PRAG1: variants seen among roughly 807,000 people sequenced by gnomAD.
PRAG1 encodes the protein PEAK1 related, kinase-activating pseudokinase 1.
In PRAG1, 110 loss-of-function variants were observed where a neutral mutation model predicts 95.6. That is an observed-to-expected ratio of 1.15 (90% CI 0.99 to 1.35). The LOEUF is 1.35. Ranked by LOEUF, PRAG1 falls within the 40% of genes most tolerant of loss-of-function variation. The pLI is 0.00. For missense variants in PRAG1, 2,554 were observed against 1,864.7 expected, an observed-to-expected ratio of 1.37 and a Z score of -6.81; for synonymous variants, 1,052 against 819.4, an observed-to-expected ratio of 1.28 and a Z score of -4.85.
chr8:8,372,149 A>G (rs1193859567), intron 3 of PRAG1, among the ~76,000 whole-genome samples: 1 of 152,186 alleles, frequency 6.6e-6, no homozygotes, highest in Non-Finnish European at 1.5e-5. Flanking sequence ...CATCTGTGAA[A>G]AAGCAAAAGG....
intron 4 of PRAG1, among the ~76,000 whole-genome samples, chr8:8,328,787 C>A (rs1211050969): frequency 2.0e-5 from 3 of 152,320 alleles, no homozygotes; most frequent in Admixed American, 2.0e-4. Flanking sequence ...CACACACACA[C>A]ACACACACAC....
intron 5 of PRAG1, 42 bp from the exon 6 acceptor site, chr8:8,319,344 G>T (rs376066922): frequency 6.8e-7 from 1 of 1,461,878 alleles, no homozygotes; most frequent in Non-Finnish European, 9.1e-7. Context: ...TGGGGCCCAT[G>T]GTTCCGCCCA....
Position 8,376,901 on chromosome 8 carries a change from C to T in PRAG1, c.1508G>A (p.Arg503Gln), listed in dbSNP as rs746691267. 4.3e-6 allele frequency: 7 copies of T among 1,613,208 alleles called. No individual in the cohort carries two copies. In the Admixed American group the frequency reaches 1.0e-4, roughly 23 times the overall value. The change falls in exon 3 of 6, where the codon CGA (arginine) becomes CAA (glutamine). Residue 503 changes from arginine (R) to glutamine (Q), a missense_variant. Physicochemically the swap from Arg to Gln is conservative, Grantham distance 43. Coordinates refer to ENST00000615670, the MANE Select transcript of PRAG1 (RefSeq NM_001080826.3). ...CTCGGAGTTCTGGCTCACAGGCCCT[C>T]GTGGCCACTGCACCCCCACTGCAGA... ...PDSAVGVQWP[R>Q]GPVSQNSEVG... is the part of the protein sequence containing the mutation.
intron 3 of PRAG1, among the ~76,000 whole-genome samples, chr8:8,368,491 CT>C (rs1244315037): frequency 2.0e-5 from 3 of 152,220 alleles, no homozygotes; most frequent in African/African-American, 4.8e-5. Context: ...AAATTTATTA[CT>C]GCAGAAAGAG....
chr8:8,352,501 G>C (rs17604776), intron 3 of PRAG1, among the ~76,000 whole-genome samples: 13,851 of 152,194 alleles, frequency 0.091, 733 homozygotes, highest in Middle Eastern at 0.13. Context: ...GCTGTTCCAA[G>C]CATTCATCAC....
intron 3 of PRAG1, among the ~76,000 whole-genome samples, chr8:8,343,796 A>G (rs1008621810): frequency 3.3e-5 from 5 of 152,310 alleles, no homozygotes; most frequent in Non-Finnish European, 5.9e-5. Context: ...TTTATTTACA[A>G]AAACAGATGT....
intron 3 of PRAG1, among the ~76,000 whole-genome samples, chr8:8,355,263 A>C (rs754770462): frequency 1.3e-5 from 2 of 152,208 alleles, no homozygotes; most frequent in Non-Finnish European, 2.9e-5. Context: ...GAAATTGAAG[A>C]GGACATAATT....
chr8:8,364,330 T>C (rs1490829334), intron 3 of PRAG1, among the ~76,000 whole-genome samples: 1 of 152,216 alleles, frequency 6.6e-6, no homozygotes, highest in Non-Finnish European at 1.5e-5. Context: ...GTTAACTGCC[T>C]ATCCATGTTT....
chr8:8,381,399 G>A lies in PRAG1; in HGVS notation c.330+19C>T, dbSNP rs747069802. 56 of 1,587,884 alleles carry A rather than the reference G, an allele frequency of 3.5e-5. 1 individual carries two copies. In the Middle Eastern group the frequency reaches 5.7e-3, roughly 162 times the overall value. On this transcript the variant is annotated intron_variant, in intron 2 of 5. Coordinates refer to ENST00000615670, the MANE Select transcript of PRAG1 (RefSeq NM_001080826.3). The stretch of plus-strand genomic sequence containing the variant: ...GGAGCAGCCCCTGTAAAAATACCAC[G>A]AGTGTTAGTCAGCCTCACCTGCGAG...
chr8:8,323,065 A>C (rs751616635), intron 5 of PRAG1, among the ~76,000 whole-genome samples: 1 of 152,228 alleles, frequency 6.6e-6, no homozygotes, highest in Non-Finnish European at 1.5e-5. Context: ...GAAAAACAAG[A>C]CACTAAATAG....
rs1800587757 is a variant in PRAG1 at position 8,380,250 on chromosome 8, G to A, written c.330+1168C>T. Among the ~76,000 whole-genome samples, 3 of 151,890 alleles carry A rather than the reference G, an allele frequency of 2.0e-5. 1 individual carries two copies. The highest frequency in any genetic ancestry group is 4.2e-4 in the South Asian group (2 of 4,808). ...AGATCGCAACACTGCACTCCAGCCT[G>A]AGCAACACTGAGACTGTCTCAAAAA... On this transcript the variant is annotated intron_variant, in intron 2 of 5. Transcript: ENST00000615670.
At chr8:8,320,433 G>A (rs1798436754) in intron 5 of PRAG1, among the ~76,000 whole-genome samples, 1 of 152,144 alleles carries the variant, frequency 6.6e-6, no homozygotes, top group South Asian at 2.1e-4. Context: ...GGCAGTGCCA[G>A]CCACCTGGGG....
chr8:8,320,382 A>G (rs1798435170), intron 5 of PRAG1, among the ~76,000 whole-genome samples: 2 of 152,178 alleles, frequency 1.3e-5, no homozygotes, highest in African/African-American at 2.4e-5. Context: ...GATCCACACA[A>G]CTCTGTCTTT....
At chr8:8,348,959 G>A (rs946395894) in intron 3 of PRAG1, among the ~76,000 whole-genome samples, 1 of 152,176 alleles carries the variant, frequency 6.6e-6, no homozygotes, top group African/African-American at 2.4e-5. Context: ...GGCCACAGTG[G>A]CATCTGGGAG....
intron 4 of PRAG1, among the ~76,000 whole-genome samples, chr8:8,336,649 AAAGT>A (rs1190569123): frequency 6.6e-6 from 1 of 152,236 alleles, no homozygotes; most frequent in Non-Finnish European, 1.5e-5. Flanking sequence ...AAAATGTAAC[AAAGT>A]AAGAGATTTC....
In PRAG1 at chr8:8,368,654, A is replaced by G. The variant is rs543940005; in HGVS notation, c.2162+7593T>C. 5.3e-5 allele frequency among the ~76,000 whole-genome samples: 8 copies of G among 152,298 alleles called. No homozygotes were observed. In the East Asian group the frequency reaches 1.5e-3, roughly 29 times the overall value. ...TACCAATTGGTGAGTTTCACAACCA[A>G]TTATGCAGATCAAATGTAGGCTGGC... On this transcript the variant is annotated intron_variant, in intron 3 of 5. Coordinates refer to ENST00000615670, the MANE Select transcript of PRAG1 (RefSeq NM_001080826.3).
At chr8:8,366,212 T>C (rs1267295683) in intron 3 of PRAG1, among the ~76,000 whole-genome samples, 1 of 152,146 alleles carries the variant, frequency 6.6e-6, no homozygotes, top group Non-Finnish European at 1.5e-5. Flanking sequence ...ATTTTGGCAT[T>C]TCGGTCTAAA....
chr8:8,371,711 A>G (rs765058687), intron 3 of PRAG1, among the ~76,000 whole-genome samples: 2 of 152,120 alleles, frequency 1.3e-5, no homozygotes, highest in Non-Finnish European at 2.9e-5. Flanking sequence ...CTCTACAAAA[A>G]TATAAAAATT....
Position 8,377,302 on chromosome 8 carries a change from C to T in PRAG1, c.1107G>A (p.Met369Ile), listed in dbSNP as rs779739303. ...GCTGCTTCTCTGGGGCAGGTTCCTTCATGAGGGAGCAGTAATCACTCTCGA... is the reference window on the plus strand; with the variant it reads ...GCTGCTTCTCTGGGGCAGGTTCCTTTATGAGGGAGCAGTAATCACTCTCGA... ...PHLESDYCSL[M>I]KEPAPEKQQD... The change falls in exon 3 of 6, where the codon ATG (methionine) becomes ATA (isoleucine). Residue 369 changes from methionine to isoleucine, a missense_variant. By Grantham distance (10) the Met-to-Ile change is conservative. Coordinates refer to ENST00000615670, the MANE Select transcript of PRAG1 (RefSeq NM_001080826.3). 1.9e-6 allele frequency: 3 copies of T among 1,612,666 alleles called. No homozygotes were observed.
Sources: gnomAD v4.1 joint callset for allele counts (sites outside exome capture counted in the v4.1 genomes callset) on GRCh38, gnomAD v4.1.1 for gene constraint, MANE v1.5 for transcripts, NCBI Gene and HGNC (gene_info 2026-07-23, HGNC 2026-07-21) for gene names.